Variants in ERI1 observed in about 807,000 individuals in gnomAD.
The protein encoded by ERI1 is 3'-5' exoribonuclease 1.
Under a neutral mutation model 39.7 loss-of-function variants are expected in ERI1, and 39 were observed. That is an observed-to-expected ratio of 0.98 (90% CI 0.76 to 1.28). ERI1 has a LOEUF of 1.28. Ranked by LOEUF, ERI1 falls within the 50% of genes most tolerant of loss-of-function variation. ERI1 has a pLI of 0.00. For synonymous variants in ERI1, 204 were observed against 149.6 expected, an observed-to-expected ratio of 1.36 and a Z score of -2.65; for missense variants, 581 against 416.9, an observed-to-expected ratio of 1.39 and a Z score of -3.43.
chr8:9,016,221 TC>T, intron 3 of ERI1, 100 bp from the exon 4 acceptor site: 1 of 550,260 alleles, frequency 1.8e-6, no homozygotes, highest in Non-Finnish European at 3.2e-6. Flanking sequence ...TGCCGTGAGA[TC>T]CTATGAAATT....
At chr8:9,063,070 T>C (rs1444095347) in intron 3 of ERI1, among the ~76,000 whole-genome samples, 3 of 152,232 alleles carry the variant, frequency 2.0e-5, no homozygotes, top group Non-Finnish European at 4.4e-5. Context: ...ATTGTACACC[T>C]TGAAGGCCAG....
At chr8:9,028,623 AT>A (rs201021210) in intron 6 of ERI1, among the ~76,000 whole-genome samples, 43 of 150,376 alleles carry the variant, frequency 2.9e-4, no homozygotes, top group African/African-American at 5.9e-4. Context: ...AAATATAACA[AT>A]TTTTTTTTTC....
rs112427756 is a variant in ERI1 at position 9,030,638 on chromosome 8, G to C, written c.*604G>C. 0.012 allele frequency: 1,770 copies of C among 152,516 alleles called. 40 individuals are homozygous for C. Among genetic ancestry groups the C allele is most frequent in the South Asian group, 0.094 (457 of 4,838 alleles). The allele number at this position is 152,516 out of a possible 1,614,324, so 9.4% of individuals were successfully genotyped here. ...ATTATAGGGTTTGGTTAAAAATCCA[G>C]TTACTGAAGGAATTAATGAAAACGT... is the stretch of plus-strand genomic sequence containing the variant. On this transcript the variant is annotated 3_prime_UTR_variant, in exon 7 of 7. Coordinates refer to ENST00000250263, the MANE Select transcript of ERI1 (RefSeq NM_153332.4).
At position 9,029,901 on chromosome 8, in the gene ERI1, C is replaced by G; in HGVS notation, c.917C>G (p.Ala306Gly). ...LDDSKNIARI[A>G]VRMLQDGCEL... ...GACTCTAAGAATATCGCCCGAATAG[C>G]AGTTCGAATGCTTCAGGATGGGTGT... The change falls in exon 7 of 7, where the codon GCA (alanine) becomes GGA (glycine). Residue 306 changes from alanine to glycine, a missense_variant. Ala to Gly is a moderately conservative substitution (Grantham distance 60). Transcript: ENST00000250263. 6.2e-7 allele frequency: 1 copy of G among 1,614,156 alleles called. No individual in the cohort carries two copies. The highest frequency in any genetic ancestry group is 8.5e-7 in the Non-Finnish European group (1 of 1,180,040).
intron 3 of ERI1, among the ~76,000 whole-genome samples, chr8:9,072,816 G>T (rs1170460493): frequency 6.6e-6 from 1 of 152,126 alleles, no homozygotes; most frequent in Non-Finnish European, 1.5e-5. Flanking sequence ...GAGAAGCAGA[G>T]GGTCAGGGTC....
In ERI1 at chr8:9,030,018, C is replaced by T. The variant is rs1797473636; in HGVS notation, c.1034C>T (p.Pro345Leu). ...GAGGGCACTCCACCACCACAAATGC[C>T]ACATTTTAGAAAGTAACAACAGTTT... ...PIEGTPPPQM[P>L]HFRK The change falls in exon 7 of 7, where the codon CCA (proline) becomes CTA (leucine). Residue 345 changes from proline (P) to leucine (L), a missense_variant. Coordinates refer to ENST00000250263, the MANE Select transcript of ERI1 (RefSeq NM_153332.4). 6.3e-7 allele frequency: 1 copy of T among 1,594,572 alleles called. No homozygotes were observed. The highest frequency in any genetic ancestry group is 8.5e-7 in the Non-Finnish European group (1 of 1,171,274).
intron 3 of ERI1, among the ~76,000 whole-genome samples, chr8:9,070,419 T>G (rs1799011952): frequency 6.6e-6 from 1 of 152,098 alleles, no homozygotes; most frequent in Non-Finnish European, 1.5e-5. Context: ...GCCCAGGAAT[T>G]CAAGGCTGCA....
intron 6 of ERI1, among the ~76,000 whole-genome samples, chr8:9,025,673 C>A (rs930615378): frequency 1.3e-5 from 2 of 150,864 alleles, no homozygotes; most frequent in Non-Finnish European, 2.9e-5. Flanking sequence ...TGGGCACTCT[C>A]TAGGACTTTT....
intron 6 of ERI1, 65 bp from the exon 7 acceptor site, chr8:9,029,727 T>A (rs192998090): frequency 1.3e-4 from 212 of 1,571,950 alleles, no homozygotes; most frequent in Non-Finnish European, 1.8e-4. Context: ...TTTTTCATCT[T>A]AACTGTGGCT....
chr8:9,028,044 T>G (rs542568481), intron 6 of ERI1, among the ~76,000 whole-genome samples: 7 of 152,230 alleles, frequency 4.6e-5, no homozygotes, highest in Non-Finnish European at 1.0e-4. Flanking sequence ...TCTTTCCTCA[T>G]GAGGTCTTTG....
intron 3 of ERI1, among the ~76,000 whole-genome samples, chr8:9,083,311 C>T (rs931005964): frequency 6.6e-6 from 1 of 152,144 alleles, no homozygotes; most frequent in African/African-American, 2.4e-5. Flanking sequence ...ACGGTAACTT[C>T]CATCCAAAGA....
intron 3 of ERI1, among the ~76,000 whole-genome samples, chr8:9,046,022 C>G (rs1215590759): frequency 6.6e-6 from 1 of 152,114 alleles, no homozygotes; most frequent in Non-Finnish European, 1.5e-5. Flanking sequence ...AGACCCCACT[C>G]AGAGATTCTA....
At chr8:9,060,543 A>G (rs997807761) in intron 3 of ERI1, among the ~76,000 whole-genome samples, 3 of 152,210 alleles carry the variant, frequency 2.0e-5, no homozygotes, top group Non-Finnish European at 4.4e-5. Flanking sequence ...AAAGGAAATG[A>G]GAGGTTCTAA....
intron 3 of ERI1, among the ~76,000 whole-genome samples, chr8:9,014,798 G>C (rs1817051526): frequency 6.6e-6 from 1 of 152,116 alleles, no homozygotes; most frequent in South Asian, 2.1e-4. Context: ...TATCCGGTAA[G>C]AGTGTCTAAC....
At position 9,016,410 on chromosome 8, in the gene ERI1, T is replaced by G. The variant is rs1817293947; in HGVS notation, c.582+5T>G. 3 of 1,563,504 alleles carry G rather than the reference T, an allele frequency of 1.9e-6. No individual in the cohort carries two copies. The East Asian group carries it at 6.9e-5, about 36-fold the overall frequency. On this transcript the variant is annotated splice_donor_5th_base_variant and intron_variant, in intron 4 of 6. Transcript: ENST00000250263. ...AGTCTAACTGGAATTACTCAGGTTA[T>G]AATTCTAAGTTCTTCTTTCTAGAGT...
intron 3 of ERI1, among the ~76,000 whole-genome samples, chr8:9,055,722 G>A (rs887826290): frequency 2.0e-5 from 3 of 152,094 alleles, no homozygotes; most frequent in Non-Finnish European, 2.9e-5. Context: ...TGTATTTTTA[G>A]TACAGATGGG....
chr8:9,023,479 G>A (rs1000408793), intron 6 of ERI1, among the ~76,000 whole-genome samples: 4 of 152,010 alleles, frequency 2.6e-5, no homozygotes, highest in Admixed American at 6.6e-5. Context: ...TAGTGTAATC[G>A]GAAAGTTGTA....
intron 4 of ERI1, among the ~76,000 whole-genome samples, chr8:9,016,676 C>T (rs894205669): frequency 1.3e-5 from 2 of 151,912 alleles, no homozygotes; most frequent in African/African-American, 4.8e-5. Context: ...CCATACTGAA[C>T]TTGGAGATGT....
At chr8:9,039,438 T>C (rs1457371422) in intron 3 of ERI1, among the ~76,000 whole-genome samples, 3 of 152,196 alleles carry the variant, frequency 2.0e-5, no homozygotes, top group Non-Finnish European at 4.4e-5. Context: ...CAGGTTGTGT[T>C]ACTGAATTTT....
Sources: gnomAD v4.1 joint callset for allele counts (sites outside exome capture counted in the v4.1 genomes callset) on GRCh38, gnomAD v4.1.1 for gene constraint, MANE v1.5 for transcripts, NCBI Gene and HGNC (gene_info 2026-07-23, HGNC 2026-07-21) for gene names.